NPAS3: variants seen among roughly 807,000 people sequenced by gnomAD.
NPAS3 encodes the protein neuronal PAS domain protein 3, also known as neuronal PAS domain-containing protein 3.
A neutral mutation model predicts 73.1 loss-of-function variants in NPAS3; 14 were observed. The observed-to-expected ratio is 0.19, with a 90% CI of 0.13 to 0.30. The LOEUF (loss-of-function observed/expected upper bound fraction) is 0.30. NPAS3 is among the 10% of genes least tolerant of loss of function. The pLI, the probability that NPAS3 is intolerant of heterozygous loss-of-function variation, is 1.00. For synonymous variants in NPAS3, 620 were observed against 541.5 expected (o/e 1.14, Z -2.01); for missense variants, 1,096 against 1,250.0 (o/e 0.88, Z 1.86).
chr14:33,655,780 CTT>C (rs2059128766), intron 5 of NPAS3, among the ~76,000 whole-genome samples: 1 of 152,090 alleles, frequency 6.6e-6, no homozygotes, highest in South Asian at 2.1e-4. Flanking sequence ...ACTGCAAGAA[CTT>C]GTACCCCCTC....
chr14:33,331,217 A>G (rs1337523430), intron 3 of NPAS3, among the ~76,000 whole-genome samples: 1 of 152,232 alleles, frequency 6.6e-6, no homozygotes, highest in Non-Finnish European at 1.5e-5. Flanking sequence ...TAATTTATGC[A>G]TGTGAATATA....
intron 9 of NPAS3, among the ~76,000 whole-genome samples, chr14:33,790,207 T>A (rs539461504): frequency 6.6e-6 from 1 of 152,332 alleles, no homozygotes; most frequent in East Asian, 1.9e-4. Context: ...GACAATTAAC[T>A]CTTTTTAAGG....
At chr14:33,156,877 A>C (rs986221752) in intron 2 of NPAS3, among the ~76,000 whole-genome samples, 2 of 152,228 alleles carry the variant, frequency 1.3e-5, no homozygotes, top group Non-Finnish European at 2.9e-5. Flanking sequence ...CAATGAGCTC[A>C]GTAATATGCA....
intron 5 of NPAS3, among the ~76,000 whole-genome samples, chr14:33,624,009 A>G (rs559655599): frequency 1.1e-4 from 17 of 152,318 alleles, no homozygotes; most frequent in African/African-American, 3.8e-4. Context: ...CTTTGTTTAA[A>G]TGTAACATGC....
intron 2 of NPAS3, among the ~76,000 whole-genome samples, chr14:33,066,940 A>C (rs191988642): frequency 3.2e-4 from 49 of 152,338 alleles, no homozygotes; most frequent in African/African-American, 1.2e-3. Context: ...ACATGCTCCA[A>C]ATATGGGGTG....
intron 4 of NPAS3, among the ~76,000 whole-genome samples, chr14:33,535,132 G>A (rs191159461): frequency 2.8e-4 from 43 of 152,242 alleles, no homozygotes; most frequent in East Asian, 1.2e-3. Flanking sequence ...AAAACCAAGC[G>A]TAGTATTTAC....
intron 2 of NPAS3, among the ~76,000 whole-genome samples, chr14:33,087,174 A>G (rs1038153156): frequency 1.1e-4 from 16 of 140,670 alleles, no homozygotes; most frequent in Non-Finnish European, 2.5e-4. Flanking sequence ...TGTATAATAT[A>G]TAGTATACAA....
At chr14:33,515,672 C>T (rs950985147) in intron 4 of NPAS3, among the ~76,000 whole-genome samples, 4 of 152,068 alleles carry the variant, frequency 2.6e-5, no homozygotes. Context: ...GACAATTCTT[C>T]CAACTCACGG....
chr14:33,667,473 AT>A (rs749556088), intron 5 of NPAS3, among the ~76,000 whole-genome samples: 12 of 152,148 alleles, frequency 7.9e-5, no homozygotes, highest in Non-Finnish European at 1.3e-4. Context: ...GGAATGAGCC[AT>A]TTCTTTTGAC....
At chr14:33,068,896 G>A (rs1272616364) in intron 2 of NPAS3, among the ~76,000 whole-genome samples, 2 of 152,102 alleles carry the variant, frequency 1.3e-5, no homozygotes, top group Non-Finnish European at 2.9e-5. Flanking sequence ...AATGAGCAAG[G>A]AGGACAGTGG....
intron 1 of NPAS3, among the ~76,000 whole-genome samples, chr14:32,945,941 A>T (rs2036232238): frequency 6.6e-6 from 1 of 152,150 alleles, no homozygotes; most frequent in East Asian, 1.9e-4. Flanking sequence ...TGAAGTTCTC[A>T]AGGCCCTCTT....
chr14:33,093,034 A>G lies in NPAS3; in HGVS notation c.140+37040A>G, dbSNP rs565245993. Among the ~76,000 whole-genome samples, 96 of 152,372 alleles carry G rather than the reference A, an allele frequency of 6.3e-4. 1 individual carries two copies. The highest frequency in any genetic ancestry group is 1.9e-3 in the African/African-American group (77 of 41,596). On this transcript the variant is annotated intron_variant, in intron 2 of 11. Coordinates refer to ENST00000356141, the Ensembl canonical transcript of NPAS3. ...AGAAACCCTAGAAGAAAACCTAGGT[A>G]ATACCATTCAGGACATAGGCATGGG...
intron 1 of NPAS3, among the ~76,000 whole-genome samples, chr14:32,967,314 T>C (rs969762535): frequency 3.3e-5 from 5 of 152,238 alleles, no homozygotes; most frequent in African/African-American, 9.7e-5. Context: ...ACATATAATT[T>C]ACAAAGTATG....
At chr14:33,521,598 G>C in intron 4 of NPAS3, among the ~76,000 whole-genome samples, 1 of 149,708 alleles carries the variant, frequency 6.7e-6, no homozygotes. Context: ...TATTTTATAA[G>C]TTCCAAAGGC....
chr14:33,105,636 G>A (rs1005202857), intron 2 of NPAS3, among the ~76,000 whole-genome samples: 1 of 152,120 alleles, frequency 6.6e-6, no homozygotes, highest in African/African-American at 2.4e-5. Flanking sequence ...TAAATATGCA[G>A]ATGTGTTACA....
At chr14:33,512,172 T>C (rs2053086041) in intron 4 of NPAS3, among the ~76,000 whole-genome samples, 1 of 152,126 alleles carries the variant, frequency 6.6e-6, no homozygotes, top group Admixed American at 6.6e-5. Context: ...TTTGCGTTTG[T>C]TCATAGCATT....
chr14:33,631,762 C>T (rs1462776473), intron 5 of NPAS3, among the ~76,000 whole-genome samples: 7 of 152,102 alleles, frequency 4.6e-5, no homozygotes, highest in African/African-American at 1.7e-4. Flanking sequence ...TGTTGGTCTT[C>T]CACTGATATA....
chr14:33,192,794 C>T (rs1049204986), intron 2 of NPAS3, among the ~76,000 whole-genome samples: 2 of 152,248 alleles, frequency 1.3e-5, no homozygotes, highest in East Asian at 1.9e-4. Context: ...ACTGTCGAGA[C>T]GTAGACAATT....
intron 4 of NPAS3, among the ~76,000 whole-genome samples, chr14:33,543,963 A>C (rs940602309): frequency 1.1e-3 from 27 of 25,546 alleles, no homozygotes; most frequent in African/African-American, 9.6e-3. Flanking sequence ...ATATATATAT[A>C]TATATATATA....
Sources: gnomAD v4.1 joint callset for allele counts (sites outside exome capture counted in the v4.1 genomes callset) on GRCh38, gnomAD v4.1.1 for gene constraint, MANE v1.5 for transcripts, NCBI Gene and HGNC (gene_info 2026-07-23, HGNC 2026-07-21) for gene names.